The following CSMD1 variants were observed in gnomAD, a reference collection of about 807,000 sequenced individuals.
The protein encoded by CSMD1 is CUB and Sushi multiple domains 1, also known as CUB and sushi domain-containing protein 1.
CSMD1 carries 213 observed loss-of-function variants against 417.5 expected under a neutral mutation model. That is an observed-to-expected ratio of 0.51 (90% CI 0.46 to 0.57). The LOEUF (loss-of-function observed/expected upper bound fraction) is 0.57. CSMD1 is among the 20% of genes least tolerant of loss of function. CSMD1 has a pLI of 0.00. For synonymous variants in CSMD1, 2,862 were observed against 1,736.8 expected (o/e 1.65, Z -16.11); for missense variants, 6,923 against 4,529.7 (o/e 1.53, Z -15.17).
chr8:3,058,013 C>T (rs544506279), intron 49 of CSMD1, among the ~76,000 whole-genome samples: 8 of 152,158 alleles, frequency 5.3e-5, no homozygotes, highest in Non-Finnish European at 1.2e-4. Flanking sequence ...TCGGCTTATT[C>T]TCACTTTCTT....
intron 3 of CSMD1, among the ~76,000 whole-genome samples, chr8:4,220,769 G>C (rs909115113): frequency 6.6e-6 from 1 of 152,162 alleles, no homozygotes; most frequent in Admixed American, 6.5e-5. Context: ...GAGAATATGG[G>C]GCCACCCAAG....
chr8:4,763,344 G>A (rs536077784), intron 1 of CSMD1, among the ~76,000 whole-genome samples: 1 of 152,276 alleles, frequency 6.6e-6, no homozygotes, highest in East Asian at 1.9e-4. Context: ...ATCACAGCAA[G>A]ATTTCCTATT....
At chr8:3,085,359 G>C (rs1354484137) in intron 49 of CSMD1, among the ~76,000 whole-genome samples, 1 of 152,184 alleles carries the variant, frequency 6.6e-6, no homozygotes, top group Non-Finnish European at 1.5e-5. Flanking sequence ...ATCTGTTTTA[G>C]AAAAATGATA....
At chr8:3,801,242 G>C (rs1018318528) in intron 5 of CSMD1, among the ~76,000 whole-genome samples, 2 of 150,770 alleles carry the variant, frequency 1.3e-5, no homozygotes, top group South Asian at 2.1e-4. Context: ...AATATATAGA[G>C]AGAACTTACA....
intron 3 of CSMD1, among the ~76,000 whole-genome samples, chr8:4,379,687 CAATGAAGCAACAATGGCGG>C (rs1318612346): frequency 3.5e-5 from 2 of 56,466 alleles, no homozygotes; most frequent in East Asian, 1.6e-3. Context: ...GGGAAGAGGG[CAATGAAGCAACAATGGCGG>C]GAAGAGGGCA....
Position 4,051,570 on chromosome 8 carries a change from C to T in CSMD1, c.416-19471G>A, listed in dbSNP as rs369851659. On this transcript the variant is annotated intron_variant, in intron 3 of 69. Transcript: ENST00000635120. ...AAGCAACTCCAACAATCAAGCAAACCTCTGTCAACGTCCTCAGAAGTGCTA... is the reference window on the plus strand; with the variant it reads ...AAGCAACTCCAACAATCAAGCAAACTTCTGTCAACGTCCTCAGAAGTGCTA... 9.6e-4 allele frequency among the ~76,000 whole-genome samples: 146 copies of T among 152,302 alleles called. 2 individuals carry two copies. In the South Asian group the frequency reaches 0.029, roughly 30 times the overall value.
intron 1 of CSMD1, among the ~76,000 whole-genome samples, chr8:4,764,889 A>AAAAAAAAAAAAAAAAAAAC (rs1377665114): frequency 2.5e-5 from 1 of 39,994 alleles, no homozygotes; most frequent in African/African-American, 9.3e-5. Context: ...AAAAAAAAAA[A>AAAAAAAAAAAAAAAAAAAC]AAAAACAACA....
chr8:3,303,449 T>G lies in CSMD1; in HGVS notation c.3950+4246A>C, dbSNP rs547033741. Reference sequence around the variant, plus strand: ...ATGTTACCTTTTCTAAAAGTCTGCATAGGAATGCTTTTGACAACCTTGATA... The same window carrying G: ...ATGTTACCTTTTCTAAAAGTCTGCAGAGGAATGCTTTTGACAACCTTGATA... On this transcript the variant is annotated intron_variant, in intron 25 of 69. Transcript: ENST00000635120. 2.0e-5 allele frequency among the ~76,000 whole-genome samples: 3 copies of G among 152,324 alleles called. No homozygotes were observed. In the East Asian group the frequency reaches 5.8e-4, roughly 29 times the overall value.
Position 3,600,541 on chromosome 8 carries a change from T to C in CSMD1, c.1098-14281A>G, listed in dbSNP as rs566745151. On this transcript the variant is annotated intron_variant, in intron 8 of 69. Transcript: ENST00000635120. ...ACTCAGAGACTATGAAATGTCATCCTGGGGATAGGGTGCTCCCATTTACTC... is the reference window on the plus strand; with the variant it reads ...ACTCAGAGACTATGAAATGTCATCCCGGGGATAGGGTGCTCCCATTTACTC... 7.0e-4 allele frequency among the ~76,000 whole-genome samples: 106 copies of C among 152,306 alleles called. 2 individuals are homozygous for C. In the South Asian group the frequency reaches 0.021, roughly 30 times the overall value.
intron 3 of CSMD1, among the ~76,000 whole-genome samples, chr8:4,336,460 T>A (rs1247947287): frequency 2.0e-5 from 3 of 152,112 alleles, no homozygotes; most frequent in Non-Finnish European, 4.4e-5. Context: ...GTGCTATGTG[T>A]AGATGTTTGA....
chr8:3,275,457 T>C (rs1287952542), intron 26 of CSMD1, among the ~76,000 whole-genome samples: 1 of 152,220 alleles, frequency 6.6e-6, no homozygotes, highest in Non-Finnish European at 1.5e-5. Context: ...CTGTATTTCC[T>C]GAATGTGAAT....
At chr8:3,589,711 C>A (rs190162876) in intron 8 of CSMD1, among the ~76,000 whole-genome samples, 1 of 152,076 alleles carries the variant, frequency 6.6e-6, no homozygotes, top group African/African-American at 2.4e-5. Flanking sequence ...TTAATAACAG[C>A]ATATTGTATA....
intron 1 of CSMD1, among the ~76,000 whole-genome samples, chr8:4,719,193 T>G (rs1056607597): frequency 6.6e-6 from 1 of 152,152 alleles, no homozygotes; most frequent in Non-Finnish European, 1.5e-5. Context: ...CTAGAGAAAG[T>G]GCAGGGGTGG....
intron 3 of CSMD1, among the ~76,000 whole-genome samples, chr8:4,314,897 T>C (rs536822098): frequency 4.4e-4 from 67 of 152,238 alleles, no homozygotes; most frequent in African/African-American, 1.4e-3. Flanking sequence ...AAGAACATAA[T>C]TGGGCTCCTA....
intron 5 of CSMD1, among the ~76,000 whole-genome samples, chr8:3,932,842 G>T (rs1399149527): frequency 2.0e-5 from 3 of 150,078 alleles, no homozygotes; most frequent in Non-Finnish European, 3.0e-5. Flanking sequence ...TTATGCTATT[G>T]TTATTAGATT....
chr8:4,045,445 A>C (rs1490434643), intron 3 of CSMD1, among the ~76,000 whole-genome samples: 2 of 152,212 alleles, frequency 1.3e-5, no homozygotes, highest in South Asian at 2.1e-4. Flanking sequence ...GACTGCTGAG[A>C]ACGTCGGAAG....
chr8:3,740,448 T>C (rs1349445530), intron 6 of CSMD1, among the ~76,000 whole-genome samples: 1 of 152,160 alleles, frequency 6.6e-6, no homozygotes, highest in African/African-American at 2.4e-5. Flanking sequence ...ATAGGTAGAC[T>C]TTTGCAGGAG....
chr8:3,962,499 G>T (rs917324505), intron 5 of CSMD1, among the ~76,000 whole-genome samples: 1 of 152,176 alleles, frequency 6.6e-6, no homozygotes, highest in African/African-American at 2.4e-5. Context: ...CAGCCAGCAT[G>T]CAGGAACCCC....
chr8:3,446,521 A>T (rs1815319280), intron 12 of CSMD1, among the ~76,000 whole-genome samples: 1 of 152,228 alleles, frequency 6.6e-6, no homozygotes, highest in East Asian at 1.9e-4. Context: ...CTAGAAACAA[A>T]AAGCAAACTC....
Sources: allele counts gnomAD v4.1 joint callset (sites outside exome capture counted in the v4.1 genomes callset), GRCh38; gene constraint gnomAD v4.1.1; transcripts MANE v1.5; gene names NCBI Gene and HGNC (gene_info 2026-07-23, HGNC 2026-07-21).